The following RCC1L variants were observed in gnomAD, a reference collection of about 807,000 sequenced individuals.
RCC1L encodes RCC1 like.
Under a neutral mutation model 58.6 loss-of-function variants are expected in RCC1L, and 46 were observed. The observed-to-expected ratio is 0.79, with a 90% CI of 0.62 to 1.00. The LOEUF (loss-of-function observed/expected upper bound fraction) is 1.00, where lower values mean the gene tolerates loss of function less well. RCC1L is among the 50% of genes least tolerant of loss of function. The probability of loss-of-function intolerance (pLI) is 0.00; values close to 1 mark genes in which losing one functional copy is unlikely to be tolerated. For missense variants in RCC1L, 636 were observed against 623.6 expected, an observed-to-expected ratio of 1.02 and a Z score of -0.21; for synonymous variants, 281 against 262.9, an observed-to-expected ratio of 1.07 and a Z score of -0.67.
At chr7:75,039,725 A>G (rs1056838059), downstream of RCC1L, among the ~76,000 whole-genome samples, 14 of 152,262 alleles carry the variant, frequency 9.2e-5, no homozygotes, top group South Asian at 2.9e-3. Flanking sequence ...AGAAAGGGAC[A>G]GAGTTGGTGT....
intron 4 of RCC1L, among the ~76,000 whole-genome samples, chr7:75,064,190 C>A (rs913239917): frequency 5.3e-4 from 81 of 151,738 alleles, no homozygotes; most frequent in Non-Finnish European, 1.0e-3. Context: ...ATTAGCCGGG[C>A]CTGCTGGCAC....
chr7:75,040,646 G>T (rs1805534257), downstream of RCC1L, among the ~76,000 whole-genome samples: 1 of 152,054 alleles, frequency 6.6e-6, no homozygotes, highest in Non-Finnish European at 1.5e-5. Context: ...ATCAATACGT[G>T]AGTTTGATCT....
downstream of RCC1L, among the ~76,000 whole-genome samples, chr7:75,041,091 A>G (rs1204712173): frequency 1.3e-5 from 2 of 152,002 alleles, no homozygotes; most frequent in Admixed American, 1.3e-4. Flanking sequence ...GGTGGCAGGC[A>G]CCTATAATCC....
downstream of RCC1L, among the ~76,000 whole-genome samples, chr7:75,041,254 T>C (rs1554442232): frequency 6.7e-6 from 1 of 149,980 alleles, no homozygotes. Context: ...AAATAAAGGG[T>C]AGCCCTCCCG....
At chr7:75,062,432 C>T (rs1471260133) in intron 5 of RCC1L, among the ~76,000 whole-genome samples, 2 of 152,116 alleles carry the variant, frequency 1.3e-5, no homozygotes, top group Admixed American at 1.3e-4. Context: ...CACTTGAGCC[C>T]AAGAGTTCAA....
chr7:75,027,133 T>A (rs1265452277), exon 11 of RCC1L: 1 of 152,230 alleles, frequency 6.6e-6, no homozygotes, highest in Non-Finnish European at 1.5e-5. Context: ...AGCCACCATA[T>A]ATTTTTAATT....
chr7:75,069,510 G>A (rs990345666), intron 2 of RCC1L, among the ~76,000 whole-genome samples: 2 of 151,094 alleles, frequency 1.3e-5, no homozygotes, highest in South Asian at 4.2e-4. Context: ...CCTGGCCAAG[G>A]AAATATTTCT....
intron 3 of RCC1L, among the ~76,000 whole-genome samples, chr7:75,065,106 C>T (rs151278745): frequency 6.6e-6 from 1 of 152,112 alleles, no homozygotes; most frequent in Non-Finnish European, 1.5e-5. Flanking sequence ...TGCAACCTTC[C>T]AAGTGTGAAG....
At chr7:75,051,474 T>A (rs1805915128) in intron 10 of RCC1L, among the ~76,000 whole-genome samples, 1 of 151,840 alleles carries the variant, frequency 6.6e-6, no homozygotes, top group South Asian at 2.1e-4. Context: ...TGCAGCAGCG[T>A]CTGATCTTGG....
chr7:75,058,592 G>A lies in RCC1L; in HGVS notation c.965C>T (p.Thr322Ile). ...YLQLASVTDSTQVNVPRCLHF... is the reference protein window; with the variant it reads ...YLQLASVTDSIQVNVPRCLHF... ...ACGCTGTCGGCGACTGCATACCTGT[G>A]TGGAGTCAGTGACAGAGGCCAGCTG... Residue 322 changes from threonine to isoleucine, a missense_variant, in exon 7 of 11, where the codon ACA (threonine) becomes ATA (isoleucine). Thr to Ile is a moderately conservative substitution (Grantham distance 89). Transcript: ENST00000610322. The A allele has an allele frequency of 6.2e-7, 1 of 1,603,526 alleles. No homozygotes were observed.
chr7:75,047,989 A>C, intron 10 of RCC1L, among the ~76,000 whole-genome samples: 1 of 141,566 alleles, frequency 7.1e-6, no homozygotes, highest in East Asian at 2.4e-4. Flanking sequence ...ACCACCGGCC[A>C]GGAGCAGTGG....
At chr7:75,044,381 T>C (rs1252869235) in intron 10 of RCC1L, among the ~76,000 whole-genome samples, 1 of 151,548 alleles carries the variant, frequency 6.6e-6, no homozygotes, top group East Asian at 2.0e-4. Flanking sequence ...TGGACTCCAC[T>C]TGAGGTCAGG....
At chr7:75,055,384 C>T (rs1806043041) in intron 9 of RCC1L, among the ~76,000 whole-genome samples, 1 of 152,134 alleles carries the variant, frequency 6.6e-6, no homozygotes, top group African/African-American at 2.4e-5. Flanking sequence ...ATTTTGCTCT[C>T]CCCTTTCATC....
chr7:75,068,260 C>T (rs1806577841), intron 2 of RCC1L, among the ~76,000 whole-genome samples: 1 of 144,944 alleles, frequency 6.9e-6, no homozygotes, highest in African/African-American at 2.6e-5. Flanking sequence ...GAGGAGGCTG[C>T]GGTCAGCCAA....
intron 2 of RCC1L, among the ~76,000 whole-genome samples, 176 bp downstream of exon 2, chr7:75,070,464 G>A (rs587638559): frequency 1.6e-4 from 25 of 152,098 alleles, no homozygotes; most frequent in African/African-American, 5.8e-4. Flanking sequence ...CCAGCTACTC[G>A]GGAGGCTGAG....
chr7:75,059,218 A>G (rs1239423541), intron 6 of RCC1L, among the ~76,000 whole-genome samples: 3 of 150,822 alleles, frequency 2.0e-5, no homozygotes, highest in Non-Finnish European at 3.0e-5. Context: ...AAAAAAGAAA[A>G]GAAAGAAAGA....
chr7:75,064,328 CA>C (rs71519353), intron 4 of RCC1L, among the ~76,000 whole-genome samples: 35,641 of 135,710 alleles, frequency 0.26, 6,404 homozygotes, highest in African/African-American at 0.54. Context: ...GAGTCCATCT[CA>C]AAAAAAAAAA....
At chr7:75,072,180 ATATATATATATG>A (rs1806780868) in intron 1 of RCC1L, among the ~76,000 whole-genome samples, 1 of 99,500 alleles carries the variant, frequency 1.0e-5, no homozygotes, top group Non-Finnish European at 2.1e-5. Flanking sequence ...ATATATATAT[ATATATATATATG>A]GAGAGAGAGA....
intron 3 of RCC1L, among the ~76,000 whole-genome samples, chr7:75,066,381 G>A (rs1468831884): frequency 4.6e-5 from 7 of 151,982 alleles, no homozygotes; most frequent in Non-Finnish European, 8.8e-5. Flanking sequence ...GTGAACCCAG[G>A]AGGTGGAGCT....
Sources: allele counts gnomAD v4.1 joint callset (sites outside exome capture counted in the v4.1 genomes callset), GRCh38; gene constraint gnomAD v4.1.1; transcripts MANE v1.5; gene names NCBI Gene and HGNC (gene_info 2026-07-23, HGNC 2026-07-21).